The following MALRD1 variants were observed in gnomAD, a reference collection of about 807,000 sequenced individuals.
MALRD1 encodes the protein MAM and LDL-receptor class A domain-containing protein 1.
A neutral mutation model predicts 242.1 loss-of-function variants in MALRD1; 247 were observed. The ratio of observed to expected loss-of-function variants is 1.02; its 90% CI spans 0.92 to 1.13. MALRD1 has a LOEUF of 1.13. Ranked by LOEUF, MALRD1 falls within the 50% of genes most tolerant of loss-of-function variation. MALRD1 has a pLI of 0.00. For missense variants in MALRD1, 2,989 were observed against 2,533.1 expected, an observed-to-expected ratio of 1.18 and a Z score of -3.86; for synonymous variants, 995 against 866.6, an observed-to-expected ratio of 1.15 and a Z score of -2.60.
At chr10:19,721,227 A>G (rs1004412577) in intron 38 of MALRD1, among the ~76,000 whole-genome samples, 1 of 152,176 alleles carries the variant, frequency 6.6e-6, no homozygotes, top group African/African-American at 2.4e-5. Flanking sequence ...ATGCTATATT[A>G]TATTTTCCTT....
chr10:19,435,829 T>A (rs528367505), intron 28 of MALRD1, among the ~76,000 whole-genome samples: 1 of 152,152 alleles, frequency 6.6e-6, no homozygotes, highest in Non-Finnish European at 1.5e-5. Flanking sequence ...ATGGTCCACC[T>A]CCGTAAGGGT....
intron 38 of MALRD1, among the ~76,000 whole-genome samples, chr10:19,724,288 A>G (rs1834913208): frequency 6.6e-6 from 1 of 152,242 alleles, no homozygotes; most frequent in African/African-American, 2.4e-5. Flanking sequence ...GTTAACATAA[A>G]GAAATTAAAT....
rs1837108725 is a variant in MALRD1 at position 19,581,288 on chromosome 10, A to C, written c.5680+13585A>C. 2.0e-5 allele frequency among the ~76,000 whole-genome samples: 3 copies of C among 151,474 alleles called. No individual in the cohort carries two copies. In the South Asian group the frequency reaches 6.3e-4, roughly 32 times the overall value. On this transcript the variant is annotated intron_variant, in intron 33 of 39. Coordinates refer to ENST00000454679, the MANE Select transcript of MALRD1 (RefSeq NM_001142308.3). ...CAATGTGCAGGTTAGTTACATATGT[A>C]TACATGTGACATGCTGGTGCGCTGC...
chr10:19,422,092 T>G (rs1833737928), intron 28 of MALRD1, among the ~76,000 whole-genome samples: 1 of 152,240 alleles, frequency 6.6e-6, no homozygotes, highest in South Asian at 2.1e-4. Context: ...GAAGACATTT[T>G]CAAAAGGAAA....
At chr10:19,215,978 C>T (rs1837295867) in intron 18 of MALRD1, among the ~76,000 whole-genome samples, 1 of 151,706 alleles carries the variant, frequency 6.6e-6, no homozygotes, top group Non-Finnish European at 1.5e-5. Context: ...AGTGCCTTAC[C>T]TATTCTGACT....
intron 5 of MALRD1, 48 bp downstream of exon 5, chr10:19,104,123 C>T (rs1836380376): frequency 2.0e-6 from 2 of 1,023,240 alleles, no homozygotes; most frequent in Middle Eastern, 2.6e-4. Flanking sequence ...TTAAAGATTT[C>T]AGTGCAATTT....
chr10:19,708,807 G>A lies in MALRD1; in HGVS notation c.6314+16253G>A, dbSNP rs143803882. The stretch of plus-strand genomic sequence containing the variant: ...CTCCCGAGTACCTGGGACTACAGGC[G>A]CACGCCACCACACCCAGCTAATTTT... On this transcript the variant is annotated intron_variant, in intron 38 of 39. Transcript: ENST00000454679. Among the ~76,000 whole-genome samples, 495 of 120,784 alleles carry A rather than the reference G, an allele frequency of 4.1e-3. 7 individuals are homozygous for A. The highest frequency in any genetic ancestry group is 0.011 in the African/African-American group (435 of 38,052). 79.2% of individuals were successfully genotyped at this position (120,784 alleles called of 152,430 possible). A position where few individuals can be genotyped will look rare whatever the true frequency, so the allele number is the denominator to read the frequency against.
intron 4 of MALRD1, 81 bp downstream of exon 4, chr10:19,088,266 G>A (rs879435836): frequency 1.7e-6 from 2 of 1,169,076 alleles, no homozygotes; most frequent in Admixed American, 4.2e-5. Context: ...CTAAAAGTAA[G>A]GCAACTGTCC....
chr10:19,047,412 A>G (rs1834365570), upstream of MALRD1, among the ~76,000 whole-genome samples: 2 of 151,702 alleles, frequency 1.3e-5, no homozygotes, highest in Non-Finnish European at 2.9e-5. Flanking sequence ...AGAAGTGCAT[A>G]TCAGGATTGT....
intron 10 of MALRD1, 52 bp downstream of exon 10, chr10:19,136,833 G>A (rs183617318): frequency 2.6e-6 from 3 of 1,158,254 alleles, no homozygotes; most frequent in East Asian, 6.4e-5. Flanking sequence ...AAGACTGTTA[G>A]TTGGATTTAA....
At chr10:19,292,080 C>CAAAAAAAA (rs756211363) in intron 21 of MALRD1, among the ~76,000 whole-genome samples, 24 of 88,000 alleles carry the variant, frequency 2.7e-4, no homozygotes, top group South Asian at 4.5e-4. Flanking sequence ...AAGACCGTCT[C>CAAAAAAAA]AAAAAAAAAA....
chr10:19,667,330 G>C (rs921433249), intron 36 of MALRD1, among the ~76,000 whole-genome samples: 9 of 152,078 alleles, frequency 5.9e-5, no homozygotes, highest in African/African-American at 2.2e-4. Flanking sequence ...CTCAGTAACA[G>C]CTTACTTAGC....
chr10:19,690,973 A>C (rs992623130), intron 36 of MALRD1, among the ~76,000 whole-genome samples: 2 of 152,090 alleles, frequency 1.3e-5, no homozygotes, highest in African/African-American at 4.8e-5. Flanking sequence ...TGATTACTGT[A>C]GCCCTGATGC....
At chr10:19,497,400 T>A (rs1837771263) in intron 30 of MALRD1, among the ~76,000 whole-genome samples, 1 of 111,492 alleles carries the variant, frequency 9.0e-6, no homozygotes, top group Non-Finnish European at 1.7e-5. Context: ...TCATATAGAA[T>A]GAACGAAAGG....
chr10:19,634,553 T>C (rs1840041465), intron 36 of MALRD1, among the ~76,000 whole-genome samples: 3 of 152,256 alleles, frequency 2.0e-5, no homozygotes, highest in Non-Finnish European at 1.5e-5. Flanking sequence ...TTAAATTGTA[T>C]TCGAAAAGTC....
intron 18 of MALRD1, among the ~76,000 whole-genome samples, chr10:19,217,509 T>G (rs2131651798): frequency 6.6e-6 from 1 of 151,512 alleles, no homozygotes; most frequent in African/African-American, 2.4e-5. Context: ...GTGCCCTTTG[T>G]AGATATACAT....
chr10:19,589,562 C>T (rs1837651076), intron 33 of MALRD1, among the ~76,000 whole-genome samples: 1 of 152,180 alleles, frequency 6.6e-6, no homozygotes, highest in Non-Finnish European at 1.5e-5. Flanking sequence ...TCTCTTTGTT[C>T]TTCTCACCCC....
intron 18 of MALRD1, among the ~76,000 whole-genome samples, chr10:19,229,929 C>T (rs1322648329): frequency 6.6e-5 from 10 of 152,256 alleles, no homozygotes; most frequent in African/African-American, 2.2e-4. Flanking sequence ...ACTATAGCTC[C>T]CATAATTCAC....
At chr10:19,231,076 T>G (rs1838041712) in intron 18 of MALRD1, among the ~76,000 whole-genome samples, 1 of 152,104 alleles carries the variant, frequency 6.6e-6, no homozygotes, top group South Asian at 2.1e-4. Context: ...TCTCTAGAAT[T>G]TATTCTCAGG....
Sources: allele counts gnomAD v4.1 joint callset (sites outside exome capture counted in the v4.1 genomes callset), GRCh38; gene constraint gnomAD v4.1.1; transcripts MANE v1.5; gene names NCBI Gene and HGNC (gene_info 2026-07-23, HGNC 2026-07-21).